The following RRP1 variants were observed in gnomAD, a reference collection of about 807,000 sequenced individuals.
RRP1 encodes ribosomal RNA processing 1.
A neutral mutation model predicts 54.6 loss-of-function variants in RRP1; 37 were observed. The observed-to-expected ratio is 0.68, with a 90% CI of 0.52 to 0.89. The LOEUF is 0.89. Ranked by LOEUF, RRP1 falls within the 40% of genes least tolerant of loss-of-function variation. The pLI is 0.00. For missense variants in RRP1, 639 were observed against 612.5 expected (o/e 1.04, Z -0.46); for synonymous variants, 262 against 244.3 (o/e 1.07, Z -0.67).
At chr21:43,791,559 G>A in intron 2 of RRP1, 127 bp downstream of exon 2, 1 of 825,960 alleles carries the variant, frequency 1.2e-6, no homozygotes, top group African/African-American at 1.7e-5. Context: ...CTGGAGTGCA[G>A]TGGCTCAATC....
intron 9 of RRP1, 40 bp from the exon 10 acceptor site, chr21:43,800,477 T>C (rs376395625): frequency 1.3e-5 from 21 of 1,596,684 alleles, no homozygotes; most frequent in African/African-American, 2.7e-5. Flanking sequence ...ACGCAGAGCG[T>C]GGCTGACCTT....
rs1428445931 is a variant in RRP1 at position 43,798,020 on chromosome 21, C to T, written c.731C>T (p.Ala244Val). ...CTGGACACACAGGATGAGGAGGTGG[C>T]GTCGGACAGTGATGAGTCCTCTGAG... Reference protein sequence around the residue: ...NELDTQDEEVASDSDESSEGG... With the variant: ...NELDTQDEEVVSDSDESSEGG... The change falls in exon 8 of 13, where the codon GCG (alanine) becomes GTG (valine). Residue 244 changes from alanine (A) to valine (V), a missense_variant. By Grantham distance (64) the Ala-to-Val change is moderately conservative. Coordinates refer to ENST00000497547, the MANE Select transcript of RRP1 (RefSeq NM_003683.6). The T allele has an allele frequency of 3.1e-6, 5 of 1,614,144 alleles. No individual in the cohort carries two copies. The highest frequency in any genetic ancestry group is 4.2e-6 in the Non-Finnish European group (5 of 1,180,006).
chr21:43,791,211 G>A lies in RRP1; in HGVS notation c.134-139G>A, dbSNP rs965859750. On this transcript the variant is annotated intron_variant, in intron 1 of 12. Coordinates refer to ENST00000497547, the MANE Select transcript of RRP1 (RefSeq NM_003683.6). ...GGTTAGAAGGATTGTTTGAAGGGGAGGGCCAGATTCTGCCCCCCAGTTGCC... is the reference window on the plus strand; with the variant it reads ...GGTTAGAAGGATTGTTTGAAGGGGAAGGCCAGATTCTGCCCCCCAGTTGCC... 4 of 835,836 alleles carry A rather than the reference G, an allele frequency of 4.8e-6. No individual in the cohort carries two copies. In the African/African-American group the frequency reaches 6.7e-5, roughly 14 times the overall value. The allele number at this position is 835,836 out of a possible 1,614,324, so 51.8% of individuals were successfully genotyped here.
chr21:43,793,752 T>C (rs1482461621), intron 4 of RRP1, among the ~76,000 whole-genome samples: 1 of 152,236 alleles, frequency 6.6e-6, no homozygotes, highest in Non-Finnish European at 1.5e-5. Flanking sequence ...GCAGAGGAGC[T>C]GCGGTCACGC....
chr21:43,795,191 C>T lies in RRP1; in HGVS notation c.363C>T (p.Leu121=), dbSNP rs747263601. 6.2e-7 allele frequency: 1 copy of T among 1,614,034 alleles called. No homozygotes were observed. Among genetic ancestry groups the T allele is most frequent in the Non-Finnish European group, 8.5e-7 (1 of 1,179,948 alleles). ...GCCAACCTCCTTCTGTGTCAAAGCTCATGCGGATGGTCCTGAACGAGTCCT... is the reference window on the plus strand; with the variant it reads ...GCCAACCTCCTTCTGTGTCAAAGCTTATGCGGATGGTCCTGAACGAGTCCT... ...DRLRLDKFYM[L]MRMVLNESLK... The change falls in exon 5 of 13, where the codon CTC becomes CTT. Residue 121 remains leucine (L), a splice_region_variant and synonymous_variant. Coordinates refer to ENST00000497547, the MANE Select transcript of RRP1 (RefSeq NM_003683.6).
intron 11 of RRP1, 33 bp from the exon 12 acceptor site, chr21:43,802,241 C>A: frequency 6.5e-7 from 1 of 1,539,784 alleles, no homozygotes; most frequent in Non-Finnish European, 9.0e-7. Context: ...CCCCAGCCCC[C>A]GAGAGCCCCC....
chr21:43,796,601 C>T lies in RRP1; in HGVS notation c.423-821C>T, dbSNP rs562373573. 5.3e-5 allele frequency among the ~76,000 whole-genome samples: 8 copies of T among 152,230 alleles called. No individual in the cohort carries two copies. The South Asian group carries it at 1.2e-3, about 24-fold the overall frequency. ...CGCCATTGCCACTGGCCTGGGAAGT[C>T]GGTCCCTTGCATCTGTGTGTCTTCC... On this transcript the variant is annotated intron_variant, in intron 5 of 12. Transcript: ENST00000497547.
At chr21:43,790,357 A>C (rs977910381) in intron 1 of RRP1, 1 of 152,952 alleles carries the variant, frequency 6.5e-6, no homozygotes, top group African/African-American at 2.4e-5. Context: ...AAGGCCCAGG[A>C]GTCCAGCCTG....
chr21:43,800,978 A>G, intron 11 of RRP1, 97 bp downstream of exon 11: 1 of 1,324,570 alleles, frequency 7.5e-7, no homozygotes. Flanking sequence ...TAGCACGTGG[A>G]GTCTCTTTGC....
chr21:43,790,919 G>A, intron 1 of RRP1: 1 of 447,586 alleles, frequency 2.2e-6, no homozygotes, highest in Non-Finnish European at 4.5e-6. Context: ...CTCGTAGTCT[G>A]AATGCCTGAG....
chr21:43,790,930 T>C, intron 1 of RRP1: 1 of 448,668 alleles, frequency 2.2e-6, no homozygotes, highest in South Asian at 1.6e-5. Flanking sequence ...AATGCCTGAG[T>C]TCACTTTCTT....
In RRP1 at chr21:43,805,230, C is replaced by T. The variant is rs2085131738; in HGVS notation, c.*1456C>T. On this transcript the variant is annotated 3_prime_UTR_variant, in exon 13 of 13. Coordinates refer to ENST00000497547, the MANE Select transcript of RRP1 (RefSeq NM_003683.6). ...GGCAGAGGTTGTGGTGAGCTAAGAT[C>T]ACGCCATTGCACTCCAGCCTGGGCA... is the stretch of plus-strand genomic sequence containing the variant. 1 of 149,978 alleles carries T rather than the reference C, an allele frequency of 6.7e-6. No homozygotes were observed. The allele number at this position is 149,978 out of a possible 1,614,324, so 9.3% of individuals were successfully genotyped here.
At chr21:43,793,215 T>TA (rs1345532901) in intron 3 of RRP1, 104 bp from the exon 4 acceptor site, 8 of 973,952 alleles carry the variant, frequency 8.2e-6, no homozygotes, top group African/African-American at 1.6e-5. Context: ...CAGCATTTTT[T>TA]ATCTATAGCT....
chr21:43,795,889 C>T (rs563759644), intron 5 of RRP1, among the ~76,000 whole-genome samples: 68 of 152,308 alleles, frequency 4.5e-4, no homozygotes, highest in Non-Finnish European at 7.8e-4. Context: ...CATCTGTAAT[C>T]CCAGCACTTT....
At position 43,797,762 on chromosome 21, in the gene RRP1, G is replaced by A. The variant is rs147889517; in HGVS notation, c.617+67G>A. The stretch of plus-strand genomic sequence containing the variant: ...AGTTCTTCCATGGGGCTGCTGTTGT[G>A]GGGGTGCTGCTCCCTCGAGGGATGA... On this transcript the variant is annotated intron_variant, in intron 7 of 12. Transcript: ENST00000497547. 2.7e-4 allele frequency: 435 copies of A among 1,592,246 alleles called. 1 individual carries two copies. The African/African-American group carries it at 5.3e-3, about 19-fold the overall frequency.
At position 43,797,403 on chromosome 21, in the gene RRP1, T is replaced by C; in HGVS notation, c.423-19T>C. On this transcript the variant is annotated intron_variant, in intron 5 of 12. Coordinates refer to ENST00000497547, the MANE Select transcript of RRP1 (RefSeq NM_003683.6). Reference sequence around the variant, plus strand: ...GGCTCATCGAGGCTGCCTGTCATGTTTGCTTTTTCTTTCCTCAGACAGATC... The same window carrying C: ...GGCTCATCGAGGCTGCCTGTCATGTCTGCTTTTTCTTTCCTCAGACAGATC... 1 of 1,601,460 alleles carries C rather than the reference T, an allele frequency of 6.2e-7. No individual in the cohort carries two copies. The highest frequency in any genetic ancestry group is 2.2e-5 in the East Asian group (1 of 44,750).
In RRP1 at chr21:43,796,469, G is replaced by A. The variant is rs78681917; in HGVS notation, c.423-953G>A. 3.5e-3 allele frequency among the ~76,000 whole-genome samples: 537 copies of A among 152,268 alleles called. 3 individuals carry two copies. Among genetic ancestry groups the A allele is most frequent in the African/African-American group, 0.012 (516 of 41,538 alleles). ...GCACAGGAATCATGTGGAAGACCTC[G>A]GTGCCTTCCCCCAATGCCTGCTGCG... On this transcript the variant is annotated intron_variant, in intron 5 of 12. Transcript: ENST00000497547.
Position 43,789,782 on chromosome 21 carries a change from G to C in RRP1, c.133+20G>C. 1 of 1,499,320 alleles carries C rather than the reference G, an allele frequency of 6.7e-7. No homozygotes were observed. Among genetic ancestry groups the C allele is most frequent in the South Asian group, 1.2e-5 (1 of 80,336 alleles). 92.9% of individuals were successfully genotyped at this position (1,499,320 alleles called of 1,614,324 possible). ...CCGCAGGTTGGCGGGGGTGTGGGCG[G>C]CTGGCGTCTCGGGGGCCGGCTGGGC... is the stretch of plus-strand genomic sequence containing the variant. On this transcript the variant is annotated intron_variant, in intron 1 of 12. Coordinates refer to ENST00000497547, the MANE Select transcript of RRP1 (RefSeq NM_003683.6).
At position 43,800,536 on chromosome 21, in the gene RRP1, C is replaced by G. The variant is rs990118066; in HGVS notation, c.911C>G (p.Ala304Gly). The change falls in exon 10 of 13, where the codon GCT (alanine) becomes GGT (glycine). Residue 304 changes from alanine to glycine, a missense_variant. By Grantham distance (60) the Ala-to-Gly change is moderately conservative (BLOSUM62 0). Transcript: ENST00000497547. Reference sequence around the variant, plus strand: ...AAACAGTTTGACTACGAGGCAGTTGCTAACAGACTGTTTGAAATGGCCAGC... The same window carrying G: ...AAACAGTTTGACTACGAGGCAGTTGGTAACAGACTGTTTGAAATGGCCAGC... ...PVLQFDYEAVANRLFEMASRQ... is the reference protein window; with the variant it reads ...PVLQFDYEAVGNRLFEMASRQ... 14 of 1,614,146 alleles carry G rather than the reference C, an allele frequency of 8.7e-6. No homozygotes were observed. The African/African-American group carries it at 1.7e-4, about 20-fold the overall frequency.
Sources: allele counts gnomAD v4.1 joint callset (sites outside exome capture counted in the v4.1 genomes callset), GRCh38; gene constraint gnomAD v4.1.1; transcripts MANE v1.5; gene names NCBI Gene and HGNC (gene_info 2026-07-23, HGNC 2026-07-21).